The following AFP variants were observed in gnomAD, a reference collection of about 807,000 sequenced individuals.
AFP encodes the protein alpha-fetoprotein.
Under a neutral mutation model 78.9 loss-of-function variants are expected in AFP, and 64 were observed. The ratio of observed to expected loss-of-function variants is 0.81; its 90% CI spans 0.66 to 1.00. AFP has a LOEUF of 1.00. Among genes scored for constraint, AFP ranks in the 50% least tolerant of loss-of-function variants. The probability of loss-of-function intolerance (pLI) is 0.00; values close to 1 mark genes in which losing one functional copy is unlikely to be tolerated. For synonymous variants in AFP, 254 were observed against 243.8 expected, an observed-to-expected ratio of 1.04 and a Z score of -0.39; for missense variants, 689 against 703.8, an observed-to-expected ratio of 0.98 and a Z score of 0.24.
At chr4:73,449,014 C>T (rs751076989) in intron 8 of AFP, among the ~76,000 whole-genome samples, 5 of 151,998 alleles carry the variant, frequency 3.3e-5, no homozygotes, top group Non-Finnish European at 5.9e-5. Context: ...TCATTGAGTC[C>T]GTTCTGCTTA....
chr4:73,436,772 A>G (rs1243523788), intron 1 of AFP, among the ~76,000 whole-genome samples: 1 of 151,862 alleles, frequency 6.6e-6, no homozygotes, highest in African/African-American at 2.4e-5. Flanking sequence ...TCATTATTTG[A>G]TGGTCTGAAG....
chr4:73,448,221 A>G (rs1332639078), intron 8 of AFP, among the ~76,000 whole-genome samples: 2 of 152,170 alleles, frequency 1.3e-5, no homozygotes, highest in African/African-American at 4.8e-5. Context: ...TTTGCAGTAC[A>G]GTAGTTTGTT....
chr4:73,444,862 T>C, intron 6 of AFP, 131 bp from the exon 7 acceptor site: 1 of 846,010 alleles, frequency 1.2e-6, no homozygotes, highest in South Asian at 1.9e-5. Flanking sequence ...CATGTTTCCT[T>C]TTCTTTTTAA....
Position 73,445,086 on chromosome 4 carries a change from T to C in AFP, c.807T>C (p.Cys269=), listed in dbSNP as rs1318512542. 1.9e-6 allele frequency: 3 copies of C among 1,614,040 alleles called. No homozygotes were observed. Among genetic ancestry groups the C allele is most frequent in the African/African-American group, 2.7e-5 (2 of 75,062 alleles). ...VLDVAHVHEH[C]CRGDVLDCLQ... ...ATGTGGCCCATGTACATGAGCACTG[T>C]TGCAGAGGAGATGTGCTGGATTGTC... The change falls in exon 7 of 15, where the codon TGT becomes TGC. Residue 269 remains cysteine (C), a synonymous_variant. Coordinates refer to ENST00000395792, the MANE Select transcript of AFP (RefSeq NM_001134.3).
rs764357434 is a variant in AFP at position 73,440,725 on chromosome 4, A to T, written c.394A>T (p.Thr132Ser). Residue 132 changes from threonine (T) to serine (S), a missense_variant, in exon 4 of 15, where the codon ACT (threonine) becomes TCT (serine). By Grantham distance (58) the Thr-to-Ser change is moderately conservative. Transcript: ENST00000395792. ...CTGTTTTCTTGCACACAAAAAGCCC[A>T]CTCCAGCATCGATCCCACTTTTCCA... Reference protein sequence around the residue: ...HNCFLAHKKPTPASIPLFQVP... With the variant: ...HNCFLAHKKPSPASIPLFQVP... The T allele has an allele frequency of 6.2e-7, 1 of 1,614,092 alleles. No individual in the cohort carries two copies. Among genetic ancestry groups the T allele is most frequent in the Non-Finnish European group, 8.5e-7 (1 of 1,180,010 alleles).
chr4:73,454,764 G>A (rs888827219), intron 13 of AFP, among the ~76,000 whole-genome samples: 15 of 152,076 alleles, frequency 9.9e-5, no homozygotes, highest in African/African-American at 3.6e-4. Flanking sequence ...ACCAGTATAT[G>A]TGTGTGTTTT....
At chr4:73,451,741 G>A (rs886335193) in intron 11 of AFP, among the ~76,000 whole-genome samples, 1 of 152,068 alleles carries the variant, frequency 6.6e-6, no homozygotes, top group African/African-American at 2.4e-5. Context: ...ACCCTCATAC[G>A]ACAGCTGTTT....
chr4:73,454,543 C>T (rs1720104797), intron 13 of AFP, among the ~76,000 whole-genome samples: 1 of 152,006 alleles, frequency 6.6e-6, no homozygotes, highest in African/African-American at 2.4e-5. Context: ...TTATCACAAT[C>T]AAGATAATTG....
intron 14 of AFP, 154 bp from the exon 15 acceptor site, chr4:73,455,477 A>G (rs1221834683): frequency 1.6e-6 from 1 of 643,878 alleles, no homozygotes; most frequent in African/African-American, 1.8e-5. Flanking sequence ...TCAACTATGC[A>G]AAATCCTTTT....
intron 13 of AFP, among the ~76,000 whole-genome samples, chr4:73,454,587 AC>A (rs1720105795): frequency 6.6e-6 from 1 of 152,182 alleles, no homozygotes; most frequent in African/African-American, 2.4e-5. Flanking sequence ...TTGTATTGCT[AC>A]ATATATTTGA....
Position 73,437,198 on chromosome 4 carries a change from A to G in AFP, c.124A>G (p.Ser42Gly), listed in dbSNP as rs1385693646. The G allele has an allele frequency of 6.2e-7, 1 of 1,610,422 alleles. No individual in the cohort carries two copies. The highest frequency in any genetic ancestry group is 8.5e-7 in the Non-Finnish European group (1 of 1,177,246). Residue 42 changes from serine (S) to glycine (G), a missense_variant, in exon 2 of 15, where the codon AGT (serine) becomes GGT (glycine). Physicochemically the swap from Ser to Gly is moderately conservative, Grantham distance 56 (BLOSUM62 0). Coordinates refer to ENST00000395792, the MANE Select transcript of AFP (RefSeq NM_001134.3). The stretch of plus-strand genomic sequence containing the variant: ...TTCTTACCAATGTACTGCAGAGATA[A>G]GTTTAGCTGACCTGTAAGTTTTGCT... ...LDSYQCTAEI[S>G]LADLATIFFA...
chr4:73,452,310 A>T, intron 11 of AFP, 91 bp from the exon 12 acceptor site: 1 of 991,368 alleles, frequency 1.0e-6, no homozygotes, highest in Non-Finnish European at 1.6e-6. Flanking sequence ...GCTGGGCATT[A>T]GAAATTATTG....
In AFP at chr4:73,443,449, G is replaced by T. The variant is rs768274281; in HGVS notation, c.713+5G>T. 6 of 1,596,224 alleles carry T rather than the reference G, an allele frequency of 3.8e-6. No individual in the cohort carries two copies. Among genetic ancestry groups the T allele is most frequent in the African/African-American group, 1.3e-5 (1 of 74,468 alleles). ...GACCCGAACTTTCCAAGCCATGTAA[G>T]TTCAAGTTCTATCTAGGGAAGAGGG... is the stretch of plus-strand genomic sequence containing the variant. On this transcript the variant is annotated splice_donor_5th_base_variant and intron_variant, in intron 6 of 14. Coordinates refer to ENST00000395792, the MANE Select transcript of AFP (RefSeq NM_001134.3).
chr4:73,440,737 A>T lies in AFP; in HGVS notation c.406A>T (p.Ile136Phe), dbSNP rs544601167. The T allele has an allele frequency of 1.3e-4, 209 of 1,614,074 alleles. 1 individual carries two copies. Among genetic ancestry groups the T allele is most frequent in the Non-Finnish European group, 1.7e-4 (200 of 1,180,042 alleles). ...ACACAAAAAGCCCACTCCAGCATCG[A>T]TCCCACTTTTCCAAGTTCCAGAACC... ...LAHKKPTPAS[I>F]PLFQVPEPVT... The change falls in exon 4 of 15, where the codon ATC (isoleucine) becomes TTC (phenylalanine). Residue 136 changes from isoleucine to phenylalanine, a missense_variant. Coordinates refer to ENST00000395792, the MANE Select transcript of AFP (RefSeq NM_001134.3).
intron 7 of AFP, among the ~76,000 whole-genome samples, 159 bp from the exon 8 acceptor site, chr4:73,447,299 CCTCT>C (rs1051744063): frequency 6.0e-5 from 9 of 150,854 alleles, no homozygotes; most frequent in African/African-American, 1.7e-4. Context: ...TTCCTCCATC[CCTCT>C]CTATTTCCCT....
Position 73,450,527 on chromosome 4 carries a change from TGA to T in AFP, c.1290-84_1290-83del. 1.9e-6 allele frequency: 3 copies of T among 1,584,900 alleles called. No homozygotes were observed. The East Asian group carries it at 6.7e-5, about 35-fold the overall frequency. ...CGAGCTGACCTCATGTCTTCTGGCA[TGA>T]GAGTAGAGAGTCTGTGAGAAGAAGC... is the stretch of plus-strand genomic sequence containing the variant. On this transcript the variant is annotated intron_variant, in intron 10 of 14. Coordinates refer to ENST00000395792, the MANE Select transcript of AFP (RefSeq NM_001134.3).
rs753714202 is a variant in AFP at position 73,445,062 on chromosome 4, T to C, written c.783T>C (p.Asp261=). The change falls in exon 7 of 15, where the codon GAT becomes GAC. Residue 261 remains aspartate (D), a synonymous_variant. Transcript: ENST00000395792. The part of the protein sequence containing the change: ...NFTEIQKLVL[D]VAHVHEHCCR... Reference sequence around the variant, plus strand: ...CTGAAATCCAGAAACTAGTCCTGGATGTGGCCCATGTACATGAGCACTGTT... The same window carrying C: ...CTGAAATCCAGAAACTAGTCCTGGACGTGGCCCATGTACATGAGCACTGTT... 1 of 1,613,902 alleles carries C rather than the reference T, an allele frequency of 6.2e-7. No individual in the cohort carries two copies. Among genetic ancestry groups the C allele is most frequent in the East Asian group, 2.2e-5 (1 of 44,872 alleles).
In AFP at chr4:73,440,655, C is replaced by T. The variant is rs375543359; in HGVS notation, c.324C>T (p.Tyr108=). The change falls in exon 4 of 15, where the codon TAC becomes TAT. Residue 108 remains tyrosine, a synonymous_variant. Transcript: ENST00000395792. The stretch of plus-strand genomic sequence containing the variant: ...ATGAGAAAGAAATTTTGGAGAAGTA[C>T]GGACATTCAGACTGCTGCAGCCAAA... ...LCHEKEILEK[Y]GHSDCCSQSE... is the part of the protein sequence containing the mutation. The T allele has an allele frequency of 1.3e-5, 21 of 1,614,006 alleles. No individual in the cohort carries two copies. The highest frequency in any genetic ancestry group is 5.3e-5 in the African/African-American group (4 of 74,906).
intron 6 of AFP, among the ~76,000 whole-genome samples, 167 bp downstream of exon 6, chr4:73,443,611 G>C (rs554909167): frequency 6.6e-6 from 1 of 152,252 alleles, no homozygotes; most frequent in South Asian, 2.1e-4. Flanking sequence ...GGATCAGAAG[G>C]AAGCTAACGG....
Sources: gnomAD v4.1 joint callset for allele counts (sites outside exome capture counted in the v4.1 genomes callset) on GRCh38, gnomAD v4.1.1 for gene constraint, MANE v1.5 for transcripts, NCBI Gene and HGNC (gene_info 2026-07-23, HGNC 2026-07-21) for gene names.